PPID: variants seen among roughly 807,000 people sequenced by gnomAD.
PPID encodes peptidyl-prolyl cis-trans isomerase D.
PPID carries 47 observed loss-of-function variants against 48.1 expected under a neutral mutation model. The observed-to-expected ratio is 0.98, with a 90% CI of 0.77 to 1.25. The LOEUF (loss-of-function observed/expected upper bound fraction) is 1.25, where lower values mean the gene tolerates loss of function less well. PPID is among the 50% of genes most tolerant of loss of function. The probability of loss-of-function intolerance (pLI) is 0.00; values close to 1 mark genes in which losing one functional copy is unlikely to be tolerated. For synonymous variants in PPID, 163 were observed against 148.8 expected (o/e 1.10, Z -0.69); for missense variants, 429 against 443.5 (o/e 0.97, Z 0.29).
rs1774769713 is a variant in PPID at position 158,710,444 on chromosome 4, G to C, written c.1024+184C>G. Reference sequence around the variant, plus strand: ...ATTCTTGAATGGGAGTAGAATGTAAGCTCTTTGAGGGCAGGGACTTTGACT... The same window carrying C: ...ATTCTTGAATGGGAGTAGAATGTAACCTCTTTGAGGGCAGGGACTTTGACT... On this transcript the variant is annotated intron_variant, in intron 9 of 9. Coordinates refer to ENST00000307720, the MANE Select transcript of PPID (RefSeq NM_005038.3). 5 of 638,498 alleles carry C rather than the reference G, an allele frequency of 7.8e-6. No homozygotes were observed. The Admixed American group carries it at 1.5e-4, about 19-fold the overall frequency. 39.6% of individuals were successfully genotyped at this position (638,498 alleles called of 1,614,324 possible).
At chr4:158,720,531 G>C (rs940720465) in intron 2 of PPID, among the ~76,000 whole-genome samples, 4 of 152,126 alleles carry the variant, frequency 2.6e-5, no homozygotes, top group African/African-American at 9.7e-5. Flanking sequence ...CATAGAGCCT[G>C]CAGTCTATTG....
At chr4:158,715,789 G>T in intron 4 of PPID, 105 bp from the exon 5 acceptor site, 1 of 1,278,684 alleles carries the variant, frequency 7.8e-7, no homozygotes, top group Non-Finnish European at 1.1e-6. Context: ...ACAGATTTAT[G>T]TGAGAAGGCT....
intron 6 of PPID, among the ~76,000 whole-genome samples, chr4:158,713,522 A>G (rs1386194781): frequency 1.3e-5 from 2 of 152,242 alleles, no homozygotes; most frequent in Admixed American, 6.5e-5. Flanking sequence ...TTTAAAACTC[A>G]GGTCCCCACT....
chr4:158,721,451 T>C lies in PPID; in HGVS notation c.118A>G (p.Ile40Val), dbSNP rs1446788454. 6 of 1,614,160 alleles carry C rather than the reference T, an allele frequency of 3.7e-6. No homozygotes were observed. Among genetic ancestry groups the C allele is most frequent in the South Asian group, 1.1e-5 (1 of 91,082 alleles). The change falls in exon 2 of 10, where the codon ATC becomes GTC. Residue 40 changes from isoleucine to valine, a missense_variant. By Grantham distance (29) the Ile-to-Val change is conservative. Transcript: ENST00000307720. ...AAATTTTCCGCAGTTTTGGGTACGA[T>C]ATCTGCAAACAATTCTAAGACAATT... is the stretch of plus-strand genomic sequence containing the variant. ...GRIVLELFAD[I>V]VPKTAENFRA...
intron 7 of PPID, among the ~76,000 whole-genome samples, chr4:158,712,190 T>C (rs1774799955): frequency 6.6e-6 from 1 of 152,190 alleles, no homozygotes; most frequent in Admixed American, 6.5e-5. Context: ...AAGAGAGTCA[T>C]AATTGCTCTA....
chr4:158,710,365 T>TA (rs1191700244), intron 9 of PPID: 8 of 552,538 alleles, frequency 1.4e-5, no homozygotes, highest in Admixed American at 3.3e-5. Context: ...TTTAGACATA[T>TA]AAAAAACTAC....
At chr4:158,719,688 T>C (rs376090753) in intron 2 of PPID, among the ~76,000 whole-genome samples, 1 of 152,222 alleles carries the variant, frequency 6.6e-6, no homozygotes, top group African/African-American at 2.4e-5. Context: ...CTTATAACTA[T>C]GTGCATGTAC....
Position 158,721,407 on chromosome 4 carries a change from T to G in PPID, c.162A>C (p.Gly54=), listed in dbSNP as rs1339653533. The part of the protein sequence containing the change: ...TAENFRALCT[G]EKGIGHTTGK... ...CAGTCGTGTGTCCAATGCCTTTTTC[T>G]CCTGTACACAGTGCACGAAAATTTT... The change falls in exon 2 of 10, where the codon GGA becomes GGC. Residue 54 remains glycine, a synonymous_variant. Transcript: ENST00000307720. 2 of 1,614,064 alleles carry G rather than the reference T, an allele frequency of 1.2e-6. No homozygotes were observed.
chr4:158,712,973 G>C (rs1774813589), intron 7 of PPID, 146 bp downstream of exon 7: 1 of 786,460 alleles, frequency 1.3e-6, no homozygotes, highest in East Asian at 2.7e-5. Context: ...AAGAACTGAG[G>C]GTCCAAAATA....
chr4:158,709,861 A>C (rs1221312541), intron 9 of PPID, 37 bp from the exon 10 acceptor site: 1 of 1,521,618 alleles, frequency 6.6e-7, no homozygotes, highest in Admixed American at 1.7e-5. Context: ...TATTTCTCAA[A>C]ATATCCAAAA....
In PPID at chr4:158,723,376, A is replaced by AGACCGGCAGCGACGCT. The variant is rs1305380664; in HGVS notation, c.-104_-89dup. The AGACCGGCAGCGACGCT allele has an allele frequency of 2.9e-6, 4 of 1,359,496 alleles. No homozygotes were observed. Among genetic ancestry groups the AGACCGGCAGCGACGCT allele is most frequent in the East Asian group, 2.4e-5 (1 of 41,098 alleles). 84.2% of individuals were successfully genotyped at this position (1,359,496 alleles called of 1,614,324 possible). A position where few individuals can be genotyped will look rare whatever the true frequency, so the allele number is the denominator to read the frequency against. On this transcript the variant is annotated 5_prime_UTR_variant, in exon 1 of 10. Transcript: ENST00000307720. Reference sequence around the variant, plus strand: ...AAACTCCAGAGTCCGTCTCCGCCGGAGACCGGCAGCGACGCTGACCGGCCA... The same window carrying AGACCGGCAGCGACGCT: ...AAACTCCAGAGTCCGTCTCCGCCGGAGACCGGCAGCGACGCTGACCGGCAGCGACGCTGACCGGCCA...
chr4:158,713,294 A>G, intron 6 of PPID, 34 bp from the exon 7 acceptor site: 1 of 1,537,702 alleles, frequency 6.5e-7, no homozygotes, highest in Non-Finnish European at 8.8e-7. Flanking sequence ...AGTATGAAAG[A>G]CCACATAAAC....
rs17843885 is a variant in PPID at position 158,722,274 on chromosome 4, T to C, written c.86-791A>G. 2.5e-3 allele frequency among the ~76,000 whole-genome samples: 375 copies of C among 152,346 alleles called. 1 individual carries two copies. The highest frequency in any genetic ancestry group is 8.8e-3 in the African/African-American group (366 of 41,590). ...TAATTTCTTCAAGAGGTACTGAGAATTTCCAATCACCAAGCAACCAACGGG... is the reference window on the plus strand; with the variant it reads ...TAATTTCTTCAAGAGGTACTGAGAACTTCCAATCACCAAGCAACCAACGGG... On this transcript the variant is annotated intron_variant, in intron 1 of 9. Transcript: ENST00000307720.
At chr4:158,714,950 T>C (rs1430885139) in intron 6 of PPID, among the ~76,000 whole-genome samples, 1 of 152,218 alleles carries the variant, frequency 6.6e-6, no homozygotes, top group Non-Finnish European at 1.5e-5. Context: ...GTATTGAACT[T>C]ATGCAGAATG....
chr4:158,715,710 A>G, intron 4 of PPID, 26 bp from the exon 5 acceptor site: 4 of 1,594,612 alleles, frequency 2.5e-6, no homozygotes, highest in Non-Finnish European at 3.4e-6. Flanking sequence ...TAAATTGTAG[A>G]AGTGCACTAT....
chr4:158,719,503 C>A (rs1359523033), intron 2 of PPID, among the ~76,000 whole-genome samples: 1 of 152,196 alleles, frequency 6.6e-6, no homozygotes, highest in Non-Finnish European at 1.5e-5. Flanking sequence ...TGCTAACATT[C>A]AGAAAATCGG....
At chr4:158,712,773 GAAA>G (rs996446324) in intron 7 of PPID, among the ~76,000 whole-genome samples, 74 of 151,798 alleles carry the variant, frequency 4.9e-4, no homozygotes, top group African/African-American at 1.7e-3. Flanking sequence ...AAAAGAAGAA[GAAA>G]AAAGCCATGC....
At chr4:158,720,198 G>A (rs1280418516) in intron 2 of PPID, among the ~76,000 whole-genome samples, 1 of 152,134 alleles carries the variant, frequency 6.6e-6, no homozygotes, top group Non-Finnish European at 1.5e-5. Flanking sequence ...TTAGGAAATG[G>A]TACAAGTGTC....
chr4:158,723,133 C>G, intron 1 of PPID, 71 bp downstream of exon 1: 1 of 1,462,006 alleles, frequency 6.8e-7, no homozygotes, highest in Non-Finnish European at 9.4e-7. Flanking sequence ...GCATTCCGCC[C>G]TTGGAATCCC....
Sources: allele counts gnomAD v4.1 joint callset (sites outside exome capture counted in the v4.1 genomes callset), GRCh38; gene constraint gnomAD v4.1.1; transcripts MANE v1.5; gene names NCBI Gene and HGNC (gene_info 2026-07-23, HGNC 2026-07-21).